Variants in SYNDIG1 observed in about 807,000 individuals in gnomAD.
The protein encoded by SYNDIG1 is synapse differentiation-inducing gene protein 1.
In SYNDIG1, 9 loss-of-function variants were observed where a neutral mutation model predicts 19.4. That is an observed-to-expected ratio of 0.46 (90% CI 0.28 to 0.81). The LOEUF is 0.81. Ranked by LOEUF, SYNDIG1 falls within the 30% of genes least tolerant of loss-of-function variation. The probability of loss-of-function intolerance (pLI) is 0.12; values close to 1 mark genes in which losing one functional copy is unlikely to be tolerated. For missense variants in SYNDIG1, 311 were observed against 343.3 expected (o/e 0.91, Z 0.74); for synonymous variants, 141 against 145.9 (o/e 0.97, Z 0.24).
intron 2 of SYNDIG1, among the ~76,000 whole-genome samples, chr20:24,576,363 C>T (rs191240217): frequency 5.9e-5 from 9 of 152,316 alleles, no homozygotes; most frequent in African/African-American, 1.7e-4. Context: ...GACATTTTAA[C>T]GACATTGCCC....
At chr20:24,539,995 T>TGA in intron 1 of SYNDIG1, among the ~76,000 whole-genome samples, 1 of 152,172 alleles carries the variant, frequency 6.6e-6, no homozygotes, top group South Asian at 2.1e-4. Context: ...TTGGCCAGGC[T>TGA]GGTTTCGAAC....
At chr20:24,470,887 C>G (rs960080206) in intron 1 of SYNDIG1, among the ~76,000 whole-genome samples, 2 of 151,832 alleles carry the variant, frequency 1.3e-5, no homozygotes, top group South Asian at 2.1e-4. Flanking sequence ...TGGCTCGGAC[C>G]GATGCCTGCG....
chr20:24,504,679 T>A (rs1209378450), intron 1 of SYNDIG1, among the ~76,000 whole-genome samples: 2 of 152,182 alleles, frequency 1.3e-5, no homozygotes, highest in Admixed American at 1.3e-4. Context: ...AAGAACAGCT[T>A]CTACTTCAAA....
chr20:24,489,006 C>T (rs1321578376), intron 1 of SYNDIG1, among the ~76,000 whole-genome samples: 1 of 152,192 alleles, frequency 6.6e-6, no homozygotes, highest in Non-Finnish European at 1.5e-5. Flanking sequence ...TGAGCCCTGT[C>T]CCTTGGTCTT....
intron 2 of SYNDIG1, among the ~76,000 whole-genome samples, chr20:24,555,752 G>C (rs1266350855): frequency 6.6e-6 from 1 of 152,076 alleles, no homozygotes; most frequent in Non-Finnish European, 1.5e-5. Context: ...GAATAGGTGT[G>C]GTGTGGTGCT....
At chr20:24,549,556 G>A (rs1445824803) in intron 2 of SYNDIG1, among the ~76,000 whole-genome samples, 3 of 152,268 alleles carry the variant, frequency 2.0e-5, no homozygotes, top group Non-Finnish European at 4.4e-5. Context: ...AGGCTGGGGC[G>A]AGTGCTTTAT....
At chr20:24,590,789 T>C (rs2058497307) in intron 3 of SYNDIG1, among the ~76,000 whole-genome samples, 2 of 151,226 alleles carry the variant, frequency 1.3e-5, no homozygotes, top group Admixed American at 1.3e-4. Flanking sequence ...AGGGTAGGAG[T>C]GTAAGGCCTG....
intron 2 of SYNDIG1, among the ~76,000 whole-genome samples, chr20:24,549,239 C>G (rs183875949): frequency 3.1e-4 from 47 of 152,254 alleles, no homozygotes; most frequent in African/African-American, 1.1e-3. Flanking sequence ...TCTGCCCACT[C>G]TCTACTATTC....
chr20:24,569,301 C>T (rs1304856551), intron 2 of SYNDIG1, among the ~76,000 whole-genome samples: 1 of 152,196 alleles, frequency 6.6e-6, no homozygotes, highest in Non-Finnish European at 1.5e-5. Context: ...AGTGCTTTTC[C>T]TCGCTCAAAG....
intron 1 of SYNDIG1, among the ~76,000 whole-genome samples, chr20:24,528,460 A>T (rs1251990998): frequency 1.3e-5 from 2 of 152,224 alleles, no homozygotes; most frequent in Non-Finnish European, 2.9e-5. Flanking sequence ...ACAGTTCTGA[A>T]GGCCGGGAAG....
intron 1 of SYNDIG1, among the ~76,000 whole-genome samples, chr20:24,514,031 A>AT (rs1178356311): frequency 2.6e-5 from 4 of 152,238 alleles, no homozygotes; most frequent in Admixed American, 2.6e-4. Flanking sequence ...ACTAAGCTTC[A>AT]TAAGTGAAGG....
chr20:24,512,108 A>AATTAT (rs2056755435), intron 1 of SYNDIG1, among the ~76,000 whole-genome samples: 3 of 76,588 alleles, frequency 3.9e-5, no homozygotes, highest in Non-Finnish European at 6.8e-5. Flanking sequence ...TGGTCTTTAA[A>AATTAT]ATATATATAT....
chr20:24,627,622 C>T (rs1479918143), intron 3 of SYNDIG1, among the ~76,000 whole-genome samples: 2 of 152,274 alleles, frequency 1.3e-5, no homozygotes, highest in Admixed American at 6.5e-5. Flanking sequence ...GACATGAAGC[C>T]TTCCCCGGTT....
intron 1 of SYNDIG1, among the ~76,000 whole-genome samples, chr20:24,487,498 A>G (rs896146731): frequency 6.6e-6 from 1 of 152,106 alleles, no homozygotes; most frequent in African/African-American, 2.4e-5. Context: ...TAAGTGAGAG[A>G]TGAGTGCTGT....
At chr20:24,663,011 G>GAGCA (rs2059617372) in intron 3 of SYNDIG1, among the ~76,000 whole-genome samples, 1 of 152,216 alleles carries the variant, frequency 6.6e-6, no homozygotes, top group African/African-American at 2.4e-5. Flanking sequence ...CCAAAGGAAT[G>GAGCA]AGCAAGCTGT....
chr20:24,518,243 G>A (rs917785380), intron 1 of SYNDIG1, among the ~76,000 whole-genome samples: 1 of 152,088 alleles, frequency 6.6e-6, no homozygotes, highest in Non-Finnish European at 1.5e-5. Flanking sequence ...CTTCAAGGAT[G>A]GGGGCCTGTG....
chr20:24,499,367 G>C (rs2056386179), intron 1 of SYNDIG1, among the ~76,000 whole-genome samples: 1 of 152,206 alleles, frequency 6.6e-6, no homozygotes, highest in African/African-American at 2.4e-5. Flanking sequence ...TCAGCCACAA[G>C]TGGTCAGAGG....
At chr20:24,649,657 C>T (rs1453035241) in intron 3 of SYNDIG1, among the ~76,000 whole-genome samples, 4 of 152,110 alleles carry the variant, frequency 2.6e-5, no homozygotes. Flanking sequence ...CATGAGTTCT[C>T]CCCTGACCAA....
chr20:24,528,242 C>A (rs1480078695), intron 1 of SYNDIG1, among the ~76,000 whole-genome samples: 1 of 152,160 alleles, frequency 6.6e-6, no homozygotes, highest in Non-Finnish European at 1.5e-5. Flanking sequence ...AGTCCTAAAT[C>A]TTTCATTTGT....
Sources: gnomAD v4.1 joint callset for allele counts (sites outside exome capture counted in the v4.1 genomes callset) on GRCh38, gnomAD v4.1.1 for gene constraint, MANE v1.5 for transcripts, NCBI Gene and HGNC (gene_info 2026-07-23, HGNC 2026-07-21) for gene names.